CNTN4: variants seen among roughly 807,000 people sequenced by gnomAD.
CNTN4 encodes contactin 4.
Under a neutral mutation model 122.5 loss-of-function variants are expected in CNTN4, and 77 were observed. That is an observed-to-expected ratio of 0.63 (90% CI 0.52 to 0.76). The LOEUF is 0.76. CNTN4 is among the 30% of genes least tolerant of loss of function. The probability of loss-of-function intolerance (pLI) is 0.00; values close to 1 mark genes in which losing one functional copy is unlikely to be tolerated. For missense variants in CNTN4, 1,256 were observed against 1,259.1 expected, an observed-to-expected ratio of 1.00 and a Z score of 0.04; for synonymous variants, 512 against 447.0, an observed-to-expected ratio of 1.15 and a Z score of -1.83.
chr3:2,682,233 G>T (rs112817958), intron 4 of CNTN4, among the ~76,000 whole-genome samples: 113 of 152,302 alleles, frequency 7.4e-4, no homozygotes, highest in African/African-American at 2.5e-3. Context: ...TCTCTTGGAG[G>T]AATCTTGTGA....
At chr3:2,165,183 T>C (rs2729019) in intron 2 of CNTN4, among the ~76,000 whole-genome samples, 142,946 of 152,040 alleles carry the variant, frequency 0.94, 67,243 homozygotes, top group East Asian at 1. Flanking sequence ...ATTAGCTGGG[T>C]GTGATGGCGG....
chr3:2,298,261 G>T (rs1575306186), intron 2 of CNTN4, among the ~76,000 whole-genome samples: 1 of 152,048 alleles, frequency 6.6e-6, no homozygotes, highest in South Asian at 2.1e-4. Context: ...CGTCTTGTCA[G>T]TCGAATTAAA....
intron 3 of CNTN4, among the ~76,000 whole-genome samples, chr3:2,500,327 CT>C (rs2076563261): frequency 6.6e-6 from 1 of 151,820 alleles, no homozygotes; most frequent in South Asian, 2.1e-4. Flanking sequence ...CTTTTTGTTG[CT>C]TTTTTAGTCA....
chr3:2,864,135 A>G, intron 7 of CNTN4, among the ~76,000 whole-genome samples: 1 of 152,346 alleles, frequency 6.6e-6, no homozygotes, highest in East Asian at 1.9e-4. Flanking sequence ...ACAGCCCTTT[A>G]GAGAATTCAA....
chr3:2,507,928 A>C (rs890053970), intron 3 of CNTN4, among the ~76,000 whole-genome samples: 2 of 152,102 alleles, frequency 1.3e-5, no homozygotes, highest in African/African-American at 4.8e-5. Context: ...AGTGACTACA[A>C]ATTTCTGAGC....
At position 2,745,644 on chromosome 3, in the gene CNTN4, C is replaced by A. The variant is rs373163297; in HGVS notation, c.305C>A (p.Ala102Glu). ...TQDAGTYQCTATNSFGTIVSR... is the reference protein window; with the variant it reads ...TQDAGTYQCTETNSFGTIVSR... ...GATGCTGGAACGTACCAGTGCACAGCGACAAACTCGTTTGGAACAATTGTT... is the reference window on the plus strand; with the variant it reads ...GATGCTGGAACGTACCAGTGCACAGAGACAAACTCGTTTGGAACAATTGTT... Residue 102 changes from alanine (A) to glutamate (E), a missense_variant, in exon 6 of 25, where the codon GCG becomes GAG. By Grantham distance (107) the Ala-to-Glu change is moderately radical. Transcript: ENST00000418658. 1 of 1,614,028 alleles carries A rather than the reference C, an allele frequency of 6.2e-7. No individual in the cohort carries two copies. Among genetic ancestry groups the A allele is most frequent in the South Asian group, 1.1e-5 (1 of 91,088 alleles).
At chr3:2,849,878 T>C (rs1311796678) in intron 7 of CNTN4, among the ~76,000 whole-genome samples, 1 of 152,202 alleles carries the variant, frequency 6.6e-6, no homozygotes, top group Non-Finnish European at 1.5e-5. Context: ...AGTTATTGCC[T>C]TGAAGAAATA....
chr3:2,951,507 G>C (rs532017844), intron 13 of CNTN4, among the ~76,000 whole-genome samples: 1 of 152,330 alleles, frequency 6.6e-6, no homozygotes, highest in African/African-American at 2.4e-5. Context: ...ACCAGTACCA[G>C]TCTGTCTGCA....
intron 2 of CNTN4, among the ~76,000 whole-genome samples, chr3:2,296,144 T>C (rs968260257): frequency 1.2e-3 from 188 of 152,260 alleles, no homozygotes; most frequent in African/African-American, 4.2e-3. Flanking sequence ...TGGCTTAGGA[T>C]TGACTTGGCG....
At chr3:2,470,083 G>C (rs1000841887) in intron 3 of CNTN4, among the ~76,000 whole-genome samples, 18 of 120,626 alleles carry the variant, frequency 1.5e-4, no homozygotes, top group African/African-American at 5.0e-4. Context: ...TTTTTTTTTT[G>C]GAGACAGGGT....
chr3:2,750,034 C>A (rs1042790792), intron 6 of CNTN4, among the ~76,000 whole-genome samples: 1 of 152,130 alleles, frequency 6.6e-6, no homozygotes, highest in Admixed American at 6.5e-5. Flanking sequence ...CCTCTTTAAT[C>A]ATACAATTTT....
Position 2,940,653 on chromosome 3 carries a change from T to A in CNTN4, c.1358+14874T>A, listed in dbSNP as rs566004870. 8.0e-4 allele frequency among the ~76,000 whole-genome samples: 122 copies of A among 152,036 alleles called. 1 individual carries two copies. In the South Asian group the frequency reaches 0.012, roughly 16 times the overall value. On this transcript the variant is annotated intron_variant, in intron 13 of 24. Transcript: ENST00000418658. Reference sequence around the variant, plus strand: ...AGAGAGCAGAAGAATGGACTAGAAATCAATTATTGTGGGAAATGATGAGGA... The same window carrying A: ...AGAGAGCAGAAGAATGGACTAGAAAACAATTATTGTGGGAAATGATGAGGA...
intron 6 of CNTN4, among the ~76,000 whole-genome samples, chr3:2,808,763 A>C (rs1172969332): frequency 1.3e-5 from 2 of 150,412 alleles, no homozygotes; most frequent in East Asian, 3.9e-4. Context: ...TTAGCTTTCC[A>C]CTTAAGGATG....
intron 3 of CNTN4, among the ~76,000 whole-genome samples, chr3:2,541,031 T>C (rs76977087): frequency 0.033 from 5,001 of 152,254 alleles, 300 homozygotes; most frequent in African/African-American, 0.11. Context: ...ACTCATTACA[T>C]AGCTGGAACT....
At chr3:2,175,324 A>G (rs2036703083) in intron 2 of CNTN4, among the ~76,000 whole-genome samples, 1 of 152,034 alleles carries the variant, frequency 6.6e-6, no homozygotes, top group African/African-American at 2.4e-5. Context: ...TTTTTCCTAA[A>G]CATGGAAATC....
chr3:2,897,556 A>G (rs990567201), intron 10 of CNTN4, among the ~76,000 whole-genome samples: 1 of 152,174 alleles, frequency 6.6e-6, no homozygotes, highest in Non-Finnish European at 1.5e-5. Context: ...GCTTGGGACC[A>G]GAAGTGTTTC....
Position 2,233,099 on chromosome 3 carries a change from T to TGATTATATTTTTAAACTA in CNTN4, c.-144-106078_-144-106061dup, listed in dbSNP as rs565315491. Among the ~76,000 whole-genome samples the TGATTATATTTTTAAACTA allele has an allele frequency of 5.4e-3, 520 of 97,180 alleles. 3 individuals carry two copies. The highest frequency in any genetic ancestry group is 0.021 in the African/African-American group (497 of 23,598). The allele number at this position is 97,180 out of a possible 152,430, so 63.8% of individuals were successfully genotyped here. A position where few individuals can be genotyped will look rare whatever the true frequency, so the allele number is the denominator to read the frequency against. On this transcript the variant is annotated intron_variant, in intron 2 of 24. Coordinates refer to ENST00000418658, the MANE Select transcript of CNTN4 (RefSeq NM_175607.3). ...GCATGGCTAGCTGCTGTGGCTGCTA[T>TGATTATATTTTTAAACTA]GATTATATTTTTAAACTAATGGGGG...
rs146574685 is a variant in CNTN4 at position 2,385,587 on chromosome 3, C to G, written c.-89+46354C>G. On this transcript the variant is annotated intron_variant, in intron 3 of 24. Transcript: ENST00000418658. This position sits in a 1 kb window ranked among gnomAD's most constrained non-coding sequence, Gnocchi z 4.0. ...TAGGGCTGTGCTCCGTCTGTAACCT[C>G]TAGGGGAGGGTCGCATCTCTCAGCT... Among the ~76,000 whole-genome samples, 1,393 of 152,194 alleles carry G rather than the reference C, an allele frequency of 9.2e-3. 16 individuals are homozygous for G. Among genetic ancestry groups the G allele is most frequent in the African/African-American group, 0.032 (1,336 of 41,546 alleles).
At chr3:2,394,474 G>A (rs147288920) in intron 3 of CNTN4, among the ~76,000 whole-genome samples, 282 of 152,200 alleles carry the variant, frequency 1.9e-3, no homozygotes, top group African/African-American at 6.2e-3. Flanking sequence ...TGAAAAAAGT[G>A]CTCACATCTT....
Sources: allele counts gnomAD v4.1 joint callset (sites outside exome capture counted in the v4.1 genomes callset), GRCh38; gene constraint gnomAD v4.1.1; non-coding constraint Gnocchi (gnomAD v3.1); transcripts MANE v1.5; gene names NCBI Gene and HGNC (gene_info 2026-07-23, HGNC 2026-07-21).